DZANK1: variants seen among roughly 807,000 people sequenced by gnomAD.
The protein encoded by DZANK1 is double zinc ribbon and ankyrin repeat domains 1.
Under a neutral mutation model 94.5 loss-of-function variants are expected in DZANK1, and 91 were observed. The ratio of observed to expected loss-of-function variants is 0.96; its 90% confidence interval spans 0.81 to 1.15. The LOEUF is 1.15. Among genes scored for constraint, DZANK1 ranks in the 50% most tolerant of loss-of-function variants. DZANK1 has a pLI of 0.00. For missense variants in DZANK1, 903 were observed against 916.4 expected (o/e 0.99, Z 0.19); for synonymous variants, 312 against 325.3 (o/e 0.96, Z 0.44).
At chr20:18,384,950 C>T in intron 20 of DZANK1, 66 bp downstream of exon 20, 1 of 1,457,114 alleles carries the variant, frequency 6.9e-7, no homozygotes, top group Admixed American at 2.0e-5. Flanking sequence ...CTCTTAAAAT[C>T]ATCACAGGCC....
chr20:18,414,409 A>C, exon 12 of DZANK1: 1 of 1,613,998 alleles, frequency 6.2e-7, no homozygotes. Context: ...GCTAAGTTTC[A>C]CTAGGGACTT....
intron 13 of DZANK1, among the ~76,000 whole-genome samples, chr20:18,409,589 C>A (rs6132055): frequency 0.092 from 13,909 of 151,120 alleles, 1,263 homozygotes; most frequent in East Asian, 0.51. Context: ...CACACCACCA[C>A]CACCACCATC....
At chr20:18,429,545 C>T (rs2058196568) in intron 9 of DZANK1, among the ~76,000 whole-genome samples, 1 of 152,216 alleles carries the variant, frequency 6.6e-6, no homozygotes, top group Admixed American at 6.5e-5. Flanking sequence ...ATGGACATCC[C>T]ACACCCAAGT....
intron 19 of DZANK1, 27 bp downstream of exon 19, chr20:18,389,674 G>A: frequency 1.2e-6 from 2 of 1,612,664 alleles, no homozygotes; most frequent in Admixed American, 3.3e-5. Flanking sequence ...TGCTACCTTA[G>A]CTCTCCTTTC....
intron 13 of DZANK1, among the ~76,000 whole-genome samples, chr20:18,406,829 T>A (rs2056989434): frequency 6.6e-6 from 1 of 151,910 alleles, no homozygotes; most frequent in Non-Finnish European, 1.5e-5. Context: ...CCCTGAAGGG[T>A]GAGTCCCAGG....
chr20:18,417,034 C>CAAAAAAAAAAAAAAAAA (rs55889297), intron 10 of DZANK1, among the ~76,000 whole-genome samples: 1 of 139,908 alleles, frequency 7.1e-6, no homozygotes, highest in Non-Finnish European at 1.5e-5. Context: ...CAAAAAAAAA[C>CAAAAAAAAAAAAAAAAA]AAAAAAAAAA....
chr20:18,440,494 TA>T (rs1432998734), intron 8 of DZANK1, among the ~76,000 whole-genome samples: 1 of 152,178 alleles, frequency 6.6e-6, no homozygotes, highest in African/African-American at 2.4e-5. Flanking sequence ...TATATATTAG[TA>T]AAATCTTCCT....
intron 8 of DZANK1, chr20:18,434,077 A>G (rs992457841): frequency 1.4e-4 from 29 of 212,508 alleles, no homozygotes; most frequent in African/African-American, 6.4e-4. Context: ...ACTATGTGTC[A>G]ATTAAAAAGT....
intron 12 of DZANK1, chr20:18,413,153 T>C (rs1195810474): frequency 7.1e-6 from 3 of 420,808 alleles, no homozygotes; most frequent in Middle Eastern, 6.3e-4. Flanking sequence ...CAATAGAGCA[T>C]AGACTTCACT....
intron 19 of DZANK1, among the ~76,000 whole-genome samples, chr20:18,388,131 A>G (rs145174295): frequency 4.3e-4 from 65 of 152,258 alleles, no homozygotes; most frequent in Non-Finnish European, 7.4e-4. Flanking sequence ...ACTGGCATGC[A>G]CTGGAAAGGA....
intron 13 of DZANK1, among the ~76,000 whole-genome samples, chr20:18,403,332 C>T (rs2056786258): frequency 6.6e-6 from 1 of 152,204 alleles, no homozygotes; most frequent in Non-Finnish European, 1.5e-5. Context: ...GCTGCACATG[C>T]TCTGTTGCTT....
At chr20:18,451,095 G>A (rs138313861) in intron 6 of DZANK1, among the ~76,000 whole-genome samples, 2,469 of 152,158 alleles carry the variant, frequency 0.016, 60 homozygotes, top group African/African-American at 0.056. Context: ...ACAGGTGCGC[G>A]CCACTATGCC....
chr20:18,420,544 A>G, intron 10 of DZANK1: 1 of 216,252 alleles, frequency 4.6e-6, no homozygotes, highest in South Asian at 8.6e-5. Flanking sequence ...GGGTTTTTTC[A>G]TCCTCTAGCA....
chr20:18,405,910 C>A (rs1474497121), intron 13 of DZANK1, among the ~76,000 whole-genome samples: 3 of 152,216 alleles, frequency 2.0e-5, no homozygotes, highest in African/African-American at 7.2e-5. Flanking sequence ...GACTGGGGGA[C>A]TGTACACTGA....
rs1014132013 is a variant in DZANK1, at chr20:18,431,419, C to T, written c.861+2233G>A. Among the ~76,000 whole-genome samples, 7 of 152,286 alleles carry T rather than the reference C, an allele frequency of 4.6e-5. No individual in the cohort carries two copies. The South Asian group carries it at 1.0e-3, about 23-fold the overall frequency. ...ACGGGAGCTGTCAATGGCATGCTGCCGCCTGCCGGGAGGTAAGACTTGCTG... is the reference window on the plus strand; with the variant it reads ...ACGGGAGCTGTCAATGGCATGCTGCTGCCTGCCGGGAGGTAAGACTTGCTG... On this transcript the variant is annotated intron_variant, in intron 9 of 20. Coordinates refer to ENST00000262547, the Ensembl canonical transcript of DZANK1.
intron 10 of DZANK1, among the ~76,000 whole-genome samples, chr20:18,417,758 T>A (rs1005191820): frequency 5.9e-5 from 9 of 152,098 alleles, no homozygotes; most frequent in Admixed American, 1.3e-4. Flanking sequence ...AAGACCATAA[T>A]AAATGACTCC....
At chr20:18,443,611 A>T (rs1233527411) in intron 7 of DZANK1, 147 bp from the exon 8 acceptor site, 1 of 534,068 alleles carries the variant, frequency 1.9e-6, no homozygotes, top group East Asian at 3.4e-5. Flanking sequence ...CAAGACAGGA[A>T]ATACTTATCT....
chr20:18,447,435 C>T (rs1389064235), intron 7 of DZANK1, among the ~76,000 whole-genome samples: 1 of 152,192 alleles, frequency 6.6e-6, no homozygotes, highest in East Asian at 1.9e-4. Context: ...GATTCTCCTG[C>T]CTCAGCTGGA....
rs570627007 is a variant in DZANK1 at position 18,447,741 on chromosome 20, C to T, written c.629+1243G>A. 5.0e-4 allele frequency among the ~76,000 whole-genome samples: 76 copies of T among 152,102 alleles called. 1 individual carries two copies. The South Asian group carries it at 0.01, about 21-fold the overall frequency. The stretch of plus-strand genomic sequence containing the variant: ...TCAACATCATTAGTCACTAGGGAAA[C>T]GCAAATAAAAACCACAATGAGATAC... On this transcript the variant is annotated intron_variant, in intron 7 of 20. Transcript: ENST00000262547.
Sources: allele counts gnomAD v4.1 joint callset (sites outside exome capture counted in the v4.1 genomes callset), GRCh38; gene constraint gnomAD v4.1.1; transcripts MANE v1.5; gene names NCBI Gene and HGNC (gene_info 2026-07-23, HGNC 2026-07-21).